Variants in NONO observed in about 807,000 individuals in gnomAD.
NONO encodes the protein non-POU domain-containing octamer-binding protein.
A neutral mutation model predicts 40.2 loss-of-function variants in NONO; 6 were observed. The observed-to-expected ratio is 0.15, with a 90% confidence interval of 0.08 to 0.29. NONO has a LOEUF of 0.29. Among genes scored for constraint, NONO ranks in the 10% least tolerant of loss-of-function variants. NONO has a pLI of 1.00. For missense variants in NONO, 133 were observed against 397.8 expected (o/e 0.33, Z 5.66); for synonymous variants, 89 against 123.3 (o/e 0.72, Z 1.85).
Position 71,291,992 on chromosome X carries a change from T to C in NONO, c.348+20T>C. ...CGCTTGGTGAGCAACTGTTGGCTTTTGAGGCATGTGCTCTAAAGGTGGGGA... is the reference window on the plus strand; with the variant it reads ...CGCTTGGTGAGCAACTGTTGGCTTTCGAGGCATGTGCTCTAAAGGTGGGGA... On this transcript the variant is annotated intron_variant, in intron 4 of 11. Coordinates refer to ENST00000276079, the MANE Select transcript of NONO (RefSeq NM_007363.5). 9.1e-7 allele frequency: 1 copy of C among 1,099,094 alleles called. No individual in the cohort carries two copies. Among genetic ancestry groups the C allele is most frequent in the Non-Finnish European group, 1.2e-6 (1 of 823,508 alleles). 90.6% of individuals were successfully genotyped at this position (1,099,094 alleles called of 1,213,427 possible). A position where few individuals can be genotyped will look rare whatever the true frequency, so the allele number is the denominator to read the frequency against.
intron 11 of NONO, among the ~76,000 whole-genome samples, chrX:71,299,267 C>T (rs1283171857): frequency 1.8e-5 from 2 of 112,248 alleles, no homozygotes; most frequent in Non-Finnish European, 3.8e-5. Flanking sequence ...CTGCCCGCCT[C>T]GGTTTCCCAA....
chrX:71,286,974 T>G, intron 2 of NONO, among the ~76,000 whole-genome samples: 1 of 112,335 alleles, frequency 8.9e-6, no homozygotes, highest in Admixed American at 9.5e-5. Flanking sequence ...TTAAACAGAT[T>G]AGGAATGTTT....
At chrX:71,288,977 T>C (rs1569238014) in intron 2 of NONO, among the ~76,000 whole-genome samples, 1 of 112,326 alleles carries the variant, frequency 8.9e-6, no homozygotes, top group African/African-American at 3.2e-5. Flanking sequence ...ATTTCCACGG[T>C]ATGTACTGTG....
intron 2 of NONO, among the ~76,000 whole-genome samples, chrX:71,286,565 T>C (rs2031193491): frequency 1.8e-5 from 2 of 111,855 alleles, no homozygotes; most frequent in Admixed American, 1.9e-4. Flanking sequence ...TTTGCCTACC[T>C]TCTGTTCCCT....
At chrX:71,293,058 G>A (rs984751437) in intron 4 of NONO, 3 of 112,840 alleles carry the variant, frequency 2.7e-5, no homozygotes, top group African/African-American at 9.6e-5. Context: ...TTTAGGGAAA[G>A]TATATGAGAG....
In NONO at chrX:71,297,853, G is replaced by A; in HGVS notation, c.1046G>A (p.Arg349Lys). 1.7e-6 allele frequency: 2 copies of A among 1,209,185 alleles called. No homozygotes were observed. Among genetic ancestry groups the A allele is most frequent in the Non-Finnish European group, 2.2e-6 (2 of 893,269 alleles). ...QLELRQEEERRRREEEMRRQQ... is the reference protein window; with the variant it reads ...QLELRQEEERKRREEEMRRQQ... ...CTCTGTAGGCAGGAGGAAGAGCGCAGGCGCCGTGAAGAAGAGATGCGGCGG... is the reference window on the plus strand; with the variant it reads ...CTCTGTAGGCAGGAGGAAGAGCGCAAGCGCCGTGAAGAAGAGATGCGGCGG... Residue 349 changes from arginine (R) to lysine (K), a missense_variant, in exon 9 of 12, where the codon AGG (arginine) becomes AAG (lysine). Arg to Lys is a conservative substitution (Grantham distance 26, BLOSUM62 2). This residue lies in a region of NONO where 73 missense variants were observed against 162.2 expected (regional missense o/e 0.45). Transcript: ENST00000276079.
chrX:71,289,312 GAC>G (rs1333523684), intron 2 of NONO, among the ~76,000 whole-genome samples: 22 of 110,332 alleles, frequency 2.0e-4, no homozygotes, highest in African/African-American at 6.6e-4. Context: ...TTATTTTCGA[GAC>G]AGAGTCTAGC....
chrX:71,286,163 A>C (rs990741742), intron 2 of NONO, among the ~76,000 whole-genome samples: 1 of 111,731 alleles, frequency 9.0e-6, no homozygotes, highest in Non-Finnish European at 1.9e-5. Context: ...TTTTTAAATA[A>C]AATTTTAAGT....
chrX:71,300,504 C>T lies in NONO; in HGVS notation c.*428C>T, dbSNP rs2031559455. The T allele has an allele frequency of 2.9e-5, 6 of 210,046 alleles. No individual in the cohort carries two copies. The highest frequency in any genetic ancestry group is 1.4e-4 in the Admixed American group (2 of 14,176). The allele number at this position is 210,046 out of a possible 1,213,427, so 17.3% of individuals were successfully genotyped here. On this transcript the variant is annotated 3_prime_UTR_variant, in exon 12 of 12. Transcript: ENST00000276079. ...TGATCTCGGCTCACTGCAATCTCTG[C>T]CTCCCGGGTTCAAGCTTGTCCAGGT...
intron 10 of NONO, 83 bp from the exon 11 acceptor site, chrX:71,298,624 A>C (rs2031505981): frequency 3.4e-5 from 36 of 1,065,560 alleles, no homozygotes; most frequent in Non-Finnish European, 4.3e-5. Context: ...CTTAGCCCAG[A>C]GGTCTTGTTG....
intron 10 of NONO, 33 bp from the exon 11 acceptor site, chrX:71,298,674 A>G (rs1299112533): frequency 7.0e-6 from 8 of 1,142,798 alleles, no homozygotes; most frequent in Non-Finnish European, 9.6e-6. Context: ...AACAATCTTT[A>G]TCCCTTGTGC....
rs746334582 is a variant in NONO, at chrX:71,298,703, T to G, written c.1172-4T>G. On this transcript the variant is annotated splice_polypyrimidine_tract_variant and splice_region_variant and intron_variant, in intron 10 of 11. Transcript: ENST00000276079. ...CTTGTGCTGATCACACTACTCTGCCTTAGGTGCTATGGGCATAAACAACAG... is the reference window on the plus strand; with the variant it reads ...CTTGTGCTGATCACACTACTCTGCCGTAGGTGCTATGGGCATAAACAACAG... 1.7e-6 allele frequency: 2 copies of G among 1,201,105 alleles called. No homozygotes were observed. The highest frequency in any genetic ancestry group is 3.6e-5 in the South Asian group (2 of 56,273).
In NONO at chrX:71,287,161, A is replaced by G. The variant is rs777533288; in HGVS notation, c.-10+2708A>G. On this transcript the variant is annotated intron_variant, in intron 2 of 11. Coordinates refer to ENST00000276079, the MANE Select transcript of NONO (RefSeq NM_007363.5). ...AGCGGCACTGTCTTGGCCTACTGCA[A>G]CCTCCGCCTCTCAGGTTCAAGTGAT... Among the ~76,000 whole-genome samples, 7 of 110,960 alleles carry G rather than the reference A, an allele frequency of 6.3e-5. No homozygotes were observed. In the South Asian group the frequency reaches 2.3e-3, roughly 36 times the overall value.
At chrX:71,290,821 A>G (rs944392356) in intron 3 of NONO, 30 bp downstream of exon 3, 3 of 1,105,759 alleles carry the variant, frequency 2.7e-6, no homozygotes, top group Non-Finnish European at 3.6e-6. Context: ...TGGAGTAGAA[A>G]TGGATTCCCT....
At chrX:71,291,530 T>G (rs1263822094) in intron 3 of NONO, among the ~76,000 whole-genome samples, 4 of 111,720 alleles carry the variant, frequency 3.6e-5, no homozygotes, top group African/African-American at 1.3e-4. Flanking sequence ...AACGCCTATA[T>G]TTTTCTTTCT....
intron 2 of NONO, among the ~76,000 whole-genome samples, chrX:71,285,781 G>C (rs1270758340): frequency 1.8e-5 from 2 of 111,311 alleles, no homozygotes; most frequent in Admixed American, 1.9e-4. Flanking sequence ...TTTAATCATG[G>C]ATATGTCCAA....
intron 2 of NONO, 78 bp from the exon 3 acceptor site, chrX:71,290,551 T>G (rs2148032097): frequency 1.2e-6 from 1 of 816,353 alleles, no homozygotes; most frequent in South Asian, 2.4e-5. Flanking sequence ...GGTGATGAAT[T>G]ACATATAAGT....
chrX:71,298,568 A>C, intron 10 of NONO, 60 bp downstream of exon 10: 1 of 1,109,751 alleles, frequency 9.0e-7, no homozygotes, highest in Non-Finnish European at 1.2e-6. Flanking sequence ...TGGGTGAACT[A>C]TGTAGCTTCT....
rs2031478661 is a variant in NONO, at chrX:71,297,478, A to G, written c.1028+17A>G. 9.0e-7 allele frequency: 1 copy of G among 1,112,132 alleles called. No individual in the cohort carries two copies. The highest frequency in any genetic ancestry group is 1.2e-6 in the Non-Finnish European group (1 of 823,539). The allele number at this position is 1,112,132 out of a possible 1,213,427, so 91.7% of individuals were successfully genotyped here. On this transcript the variant is annotated intron_variant, in intron 8 of 11. Coordinates refer to ENST00000276079, the MANE Select transcript of NONO (RefSeq NM_007363.5). ...GGAGCTCAGGTAACTTTTCTCGAAC[A>G]CTTTTTCCCTAACAACTCTAAAAGG...
Sources: allele counts gnomAD v4.1 joint callset (sites outside exome capture counted in the v4.1 genomes callset), GRCh38; gene constraint gnomAD v4.1.1; regional missense constraint gnomAD v4.1.1; transcripts MANE v1.5; gene names NCBI Gene and HGNC (gene_info 2026-07-23, HGNC 2026-07-21).